JAKMIP3: variants seen among roughly 807,000 people sequenced by gnomAD.
JAKMIP3 encodes the protein Janus kinase and microtubule interacting protein 3, also known as janus kinase and microtubule-interacting protein 3.
In JAKMIP3, 58 loss-of-function variants were observed where a neutral mutation model predicts 118.5. That is an observed-to-expected ratio of 0.49 (90% CI 0.40 to 0.61). JAKMIP3 has a LOEUF of 0.61. Among genes scored for constraint, JAKMIP3 ranks in the 20% least tolerant of loss-of-function variants. JAKMIP3 has a pLI of 0.00. For synonymous variants in JAKMIP3, 486 were observed against 451.2 expected (o/e 1.08, Z -0.98); for missense variants, 950 against 1,109.0 (o/e 0.86, Z 2.04).
At chr10:132,145,650 C>T (rs546131066) in intron 13 of JAKMIP3, 70 bp downstream of exon 13, 56 of 1,321,542 alleles carry the variant, frequency 4.2e-5, no homozygotes, top group African/African-American at 1.2e-4. Flanking sequence ...GTGGTCCCTG[C>T]GGGGCTGAAG....
At chr10:132,130,474 G>GC (rs2050357927) in intron 3 of JAKMIP3, among the ~76,000 whole-genome samples, 3 of 152,326 alleles carry the variant, frequency 2.0e-5, no homozygotes, top group East Asian at 1.9e-4. Context: ...CGGAGGGAGG[G>GC]CCCCCCTGAG....
At chr10:132,105,156 G>A (rs1431111545) in intron 2 of JAKMIP3, among the ~76,000 whole-genome samples, 6 of 152,202 alleles carry the variant, frequency 3.9e-5, no homozygotes, top group East Asian at 3.9e-4. Context: ...GGTGGTGACC[G>A]CAAACCACGC....
chr10:132,062,660 A>G (rs1166618293), upstream of JAKMIP3, among the ~76,000 whole-genome samples: 1 of 152,270 alleles, frequency 6.6e-6, no homozygotes, highest in East Asian at 1.9e-4. Context: ...ACAAAAAGCA[A>G]TGATGACGAA....
At chr10:132,125,557 G>A (rs1178367173) in intron 3 of JAKMIP3, among the ~76,000 whole-genome samples, 1 of 152,210 alleles carries the variant, frequency 6.6e-6, no homozygotes. Context: ...TTTTCTGTAT[G>A]AAACTTAAAT....
At chr10:132,136,869 T>C in intron 6 of JAKMIP3, 150 bp from the exon 7 acceptor site, 1 of 764,596 alleles carries the variant, frequency 1.3e-6, no homozygotes, top group Non-Finnish European at 2.1e-6. Flanking sequence ...ACTCTGCAGC[T>C]GGGCTGTTCT....
chr10:132,124,727 C>T (rs1342399293), intron 3 of JAKMIP3, among the ~76,000 whole-genome samples: 2 of 152,248 alleles, frequency 1.3e-5, no homozygotes, highest in Admixed American at 1.3e-4. Flanking sequence ...TCCTGGGTGG[C>T]CGCGTGCATG....
chr10:132,128,100 G>T (rs1393379945), intron 3 of JAKMIP3, among the ~76,000 whole-genome samples: 1 of 152,198 alleles, frequency 6.6e-6, no homozygotes, highest in East Asian at 1.9e-4. Flanking sequence ...CATTGTGGGT[G>T]TATTAACAAA....
chr10:132,153,270 G>T (rs538109301), intron 17 of JAKMIP3, among the ~76,000 whole-genome samples: 1 of 152,236 alleles, frequency 6.6e-6, no homozygotes, highest in Admixed American at 6.5e-5. Context: ...TCCTCCCAAA[G>T]GCGGGAAGGT....
At chr10:132,139,253 T>TGTGTGTGTGA (rs1564947870) in intron 9 of JAKMIP3, among the ~76,000 whole-genome samples, 1 of 121,854 alleles carries the variant, frequency 8.2e-6, no homozygotes, top group African/African-American at 3.2e-5. Context: ...TGTGTGTATG[T>TGTGTGTGTGA]GTGTGTGTGT....
At chr10:132,078,532 T>C (rs936773755) in intron 1 of JAKMIP3, among the ~76,000 whole-genome samples, 2 of 151,696 alleles carry the variant, frequency 1.3e-5, no homozygotes, top group East Asian at 3.9e-4. Context: ...CATAGATTCA[T>C]TTCTCCTCAA....
intron 2 of JAKMIP3, among the ~76,000 whole-genome samples, chr10:132,114,913 A>G (rs1204072607): frequency 6.6e-6 from 1 of 152,220 alleles, no homozygotes; most frequent in East Asian, 1.9e-4. Flanking sequence ...GATGATATAT[A>G]GAAATCCAGT....
chr10:132,064,991 G>C (rs1025669394), upstream of JAKMIP3, among the ~76,000 whole-genome samples: 1 of 152,142 alleles, frequency 6.6e-6, no homozygotes, highest in African/African-American at 2.4e-5. This position sits in a 1 kb window ranked among gnomAD's most constrained non-coding sequence, Gnocchi z 4.4. Flanking sequence ...CTGGGAGCAG[G>C]GGGGATGTAG....
chr10:132,182,542 GGTGT>G lies in JAKMIP3; in HGVS notation c.*1299_*1302del, dbSNP rs541937059. On this transcript the variant is annotated 3_prime_UTR_variant, in exon 24 of 24. Transcript: ENST00000684848. ...TGCTCTCAGAGCTGAATTGACAGGAGGTGTGTGTGTGTGCTCACTTGTGTGCACA... is the reference window on the plus strand; with the variant it reads ...TGCTCTCAGAGCTGAATTGACAGGAGGTGTGTGTGCTCACTTGTGTGCACA... The G allele has an allele frequency of 6.6e-6, 1 of 152,140 alleles. No individual in the cohort carries two copies. The highest frequency in any genetic ancestry group is 2.4e-5 in the African/African-American group (1 of 41,412). The allele number at this position is 152,140 out of a possible 1,614,324, so 9.4% of individuals were successfully genotyped here. A position where few individuals can be genotyped will look rare whatever the true frequency, so the allele number is the denominator to read the frequency against.
chr10:132,129,090 T>G (rs2637641), intron 3 of JAKMIP3, among the ~76,000 whole-genome samples: 85,527 of 152,030 alleles, frequency 0.56, 24,788 homozygotes, highest in Non-Finnish European at 0.64. Context: ...ATGTTATTGT[T>G]GTCTAGAGAA....
intron 1 of JAKMIP3, among the ~76,000 whole-genome samples, chr10:132,040,118 G>C (rs1188845086): frequency 8.5e-5 from 13 of 152,088 alleles, no homozygotes; most frequent in Non-Finnish European, 5.9e-5. Flanking sequence ...AATGGTATTG[G>C]GGGGGTGGGC....
At chr10:132,127,417 T>TGTGTGTGCGC (rs34435836) in intron 3 of JAKMIP3, among the ~76,000 whole-genome samples, 2 of 149,974 alleles carry the variant, frequency 1.3e-5, no homozygotes, top group African/African-American at 5.0e-5. Context: ...TGTGTGTGTG[T>TGTGTGTGCGC]GCGTGTGTGT....
intron 3 of JAKMIP3, among the ~76,000 whole-genome samples, chr10:132,124,504 C>T (rs541524439): frequency 4.7e-5 from 7 of 149,374 alleles, no homozygotes; most frequent in Middle Eastern, 3.6e-3. Flanking sequence ...CATTGCCACG[C>T]GGTCACCCAT....
chr10:132,134,076 G>C (rs771423065), intron 4 of JAKMIP3, among the ~76,000 whole-genome samples: 4 of 152,222 alleles, frequency 2.6e-5, no homozygotes, highest in Non-Finnish European at 4.4e-5. Flanking sequence ...TGTGGGGTCT[G>C]CCGACCACCC....
intron 2 of JAKMIP3, among the ~76,000 whole-genome samples, chr10:132,110,339 C>G (rs979017633): frequency 2.0e-5 from 3 of 152,260 alleles, no homozygotes; most frequent in African/African-American, 7.2e-5. Context: ...GGGTCTCAGC[C>G]TTTGCAGCTC....
Sources: allele counts gnomAD v4.1 joint callset (sites outside exome capture counted in the v4.1 genomes callset), GRCh38; gene constraint gnomAD v4.1.1; non-coding constraint Gnocchi (gnomAD v3.1); transcripts MANE v1.5; gene names NCBI Gene and HGNC (gene_info 2026-07-23, HGNC 2026-07-21).